The following CNTN6 variants were observed in gnomAD, a reference collection of about 807,000 sequenced individuals.
CNTN6 encodes contactin-6.
A neutral mutation model predicts 122.8 loss-of-function variants in CNTN6; 137 were observed. The ratio of observed to expected loss-of-function variants is 1.12; its 90% CI spans 0.97 to 1.29. The LOEUF is 1.29. Among genes scored for constraint, CNTN6 ranks in the 50% most tolerant of loss-of-function variants. CNTN6 has a pLI of 0.00. For missense variants in CNTN6, 1,634 were observed against 1,223.4 expected (o/e 1.34, Z -5.01); for synonymous variants, 570 against 426.0 (o/e 1.34, Z -4.16).
intron 11 of CNTN6, among the ~76,000 whole-genome samples, chr3:1,348,076 G>T (rs1265007652): frequency 6.9e-6 from 1 of 145,336 alleles, no homozygotes; most frequent in African/African-American, 2.6e-5. Flanking sequence ...CCGGTACAGT[G>T]CTAAGCATTT....
At chr3:1,342,456 T>C (rs929046610) in intron 11 of CNTN6, among the ~76,000 whole-genome samples, 26 of 152,174 alleles carry the variant, frequency 1.7e-4, no homozygotes, top group Admixed American at 1.6e-3. Flanking sequence ...GCACTTGCTT[T>C]CCAGCAAAAC....
intron 11 of CNTN6, among the ~76,000 whole-genome samples, chr3:1,332,462 A>G (rs1053595797): frequency 2.0e-5 from 3 of 149,634 alleles, no homozygotes; most frequent in Admixed American, 6.7e-5. Context: ...AAATTAGAGT[A>G]GTGATAAGAA....
rs138777418 is a variant in CNTN6 at position 1,145,552 on chromosome 3, T to A, written c.-82-2375T>A. On this transcript the variant is annotated intron_variant, in intron 1 of 22. Coordinates refer to ENST00000446702, the MANE Select transcript of CNTN6 (RefSeq NM_001289080.2). Reference sequence around the variant, plus strand: ...GTACCATGTAATTTACGTTATAAGCTGAGGCTTTTTTGAGAAAAAGAGTCT... The same window carrying A: ...GTACCATGTAATTTACGTTATAAGCAGAGGCTTTTTTGAGAAAAAGAGTCT... Among the ~76,000 whole-genome samples the A allele has an allele frequency of 2.0e-3, 307 of 152,274 alleles. 3 individuals carry two copies. In the East Asian group the frequency reaches 0.026, roughly 13 times the overall value.
chr3:1,124,105 A>G (rs1203969929), intron 1 of CNTN6, among the ~76,000 whole-genome samples: 1 of 151,868 alleles, frequency 6.6e-6, no homozygotes, highest in Non-Finnish European at 1.5e-5. Context: ...CTCCCAGTTT[A>G]TATTAGCAAT....
Position 1,327,458 on chromosome 3 carries a change from A to C in CNTN6, c.1085A>C (p.Glu362Ala). Residue 362 changes from glutamate to alanine, a missense_variant and splice_region_variant, in exon 10 of 23, where the codon GAG becomes GCG. Physicochemically the swap from Glu to Ala is moderately radical, Grantham distance 107 (BLOSUM62 -1). Transcript: ENST00000446702. ...LKNGERLNPE[E>A]RIQIENGTLI... ...TTTATATGCCTTTTCCTTTATTAGG[A>C]GAGAATTCAAATAGAAAATGGGACA... The C allele has an allele frequency of 6.2e-7, 1 of 1,609,898 alleles. No individual in the cohort carries two copies.
At chr3:1,255,890 CAG>C (rs564739529) in intron 4 of CNTN6, among the ~76,000 whole-genome samples, 266 of 151,978 alleles carry the variant, frequency 1.8e-3, no homozygotes, top group Middle Eastern at 6.8e-3. Context: ...TTTTTTGAGA[CAG>C]AGTCTCGCTC....
At chr3:1,305,546 G>A (rs1487853862) in intron 7 of CNTN6, among the ~76,000 whole-genome samples, 1 of 152,084 alleles carries the variant, frequency 6.6e-6, no homozygotes, top group African/African-American at 2.4e-5. Context: ...TAGTATGATT[G>A]ACTGATAGAT....
At chr3:1,194,746 C>T (rs1489980343) in intron 2 of CNTN6, among the ~76,000 whole-genome samples, 5 of 152,020 alleles carry the variant, frequency 3.3e-5, no homozygotes, top group African/African-American at 1.2e-4. Flanking sequence ...TCATTTCTCC[C>T]AATACCCCAG....
At chr3:1,375,517 C>T (rs1185141867) in intron 16 of CNTN6, among the ~76,000 whole-genome samples, 1 of 151,966 alleles carries the variant, frequency 6.6e-6, no homozygotes, top group Non-Finnish European at 1.5e-5. Flanking sequence ...TTCTATTTCT[C>T]AGAACATTGG....
chr3:1,276,402 C>A (rs551385549), intron 4 of CNTN6, among the ~76,000 whole-genome samples: 2 of 152,248 alleles, frequency 1.3e-5, no homozygotes, highest in African/African-American at 4.8e-5. Flanking sequence ...TATGCATGTT[C>A]CAGGTATGAT....
At chr3:1,111,535 A>G (rs1197796516) in intron 1 of CNTN6, among the ~76,000 whole-genome samples, 1 of 152,210 alleles carries the variant, frequency 6.6e-6, no homozygotes, top group Non-Finnish European at 1.5e-5. Context: ...AACGCATTTT[A>G]CCACCACATT....
chr3:1,349,101 T>G (rs1705218297), intron 11 of CNTN6, among the ~76,000 whole-genome samples: 1 of 151,994 alleles, frequency 6.6e-6, no homozygotes, highest in South Asian at 2.1e-4. Context: ...TTGCTCCAGT[T>G]TCAATCATGT....
intron 8 of CNTN6, among the ~76,000 whole-genome samples, chr3:1,325,514 T>C (rs1441456510): frequency 6.6e-6 from 1 of 151,870 alleles, no homozygotes; most frequent in African/African-American, 2.4e-5. Flanking sequence ...AGCATGGATT[T>C]ATTCCCTGGC....
chr3:1,241,552 GA>G (rs2094484927), intron 4 of CNTN6, among the ~76,000 whole-genome samples: 1 of 152,118 alleles, frequency 6.6e-6, no homozygotes, highest in African/African-American at 2.4e-5. Context: ...AAAAGGAGGA[GA>G]AAAATGGGTA....
At chr3:1,220,292 C>A (rs988063642) in intron 2 of CNTN6, among the ~76,000 whole-genome samples, 2 of 152,098 alleles carry the variant, frequency 1.3e-5, no homozygotes, top group African/African-American at 4.8e-5. Context: ...GCTATGATCA[C>A]ACTACTGCAC....
chr3:1,197,607 G>A (rs1559495143), intron 2 of CNTN6, among the ~76,000 whole-genome samples: 1 of 152,090 alleles, frequency 6.6e-6, no homozygotes. Flanking sequence ...ACCACATACA[G>A]GGTGATAAAA....
intron 16 of CNTN6, among the ~76,000 whole-genome samples, chr3:1,374,487 G>A (rs1709576882): frequency 6.6e-6 from 1 of 152,058 alleles, no homozygotes; most frequent in Non-Finnish European, 1.5e-5. Context: ...CTCTGAACTA[G>A]TTGTAGCTTC....
chr3:1,158,847 TACATAC>T (rs2093046442), intron 2 of CNTN6, among the ~76,000 whole-genome samples: 2 of 92,130 alleles, frequency 2.2e-5, no homozygotes, highest in African/African-American at 1.0e-4. Context: ...CACATATATA[TACATAC>T]ATATATATAC....
At chr3:1,223,438 A>C (rs2094235892) in intron 3 of CNTN6, among the ~76,000 whole-genome samples, 1 of 152,206 alleles carries the variant, frequency 6.6e-6, no homozygotes, top group Non-Finnish European at 1.5e-5. Context: ...GAAAGAGCTT[A>C]AGCTTGCCCA....
Sources: allele counts gnomAD v4.1 joint callset (sites outside exome capture counted in the v4.1 genomes callset), GRCh38; gene constraint gnomAD v4.1.1; transcripts MANE v1.5; gene names NCBI Gene and HGNC (gene_info 2026-07-23, HGNC 2026-07-21).